Variants in UBE3C observed in about 807,000 individuals in gnomAD.
UBE3C encodes the protein ubiquitin protein ligase E3C, also known as ubiquitin-protein ligase E3C.
Under a neutral mutation model 129.4 loss-of-function variants are expected in UBE3C, and 42 were observed. The observed-to-expected ratio is 0.32, with a 90% CI of 0.25 to 0.42. The LOEUF (loss-of-function observed/expected upper bound fraction) is 0.42, where lower values mean the gene tolerates loss of function less well. Ranked by LOEUF, UBE3C falls within the 10% of genes least tolerant of loss-of-function variation. The pLI, the probability that UBE3C is intolerant of heterozygous loss-of-function variation, is 1.00. For synonymous variants in UBE3C, 510 were observed against 492.4 expected, an observed-to-expected ratio of 1.04 and a Z score of -0.47; for missense variants, 1,049 against 1,319.1, an observed-to-expected ratio of 0.80 and a Z score of 3.17.
At chr7:157,216,165 A>G (rs6459740) in intron 13 of UBE3C, among the ~76,000 whole-genome samples, 3,955 of 152,196 alleles carry the variant, frequency 0.026, 194 homozygotes, top group African/African-American at 0.091. Context: ...AAGTGCTGCA[A>G]TTGTTTTCTC....
chr7:157,141,377 A>C (rs1345406981), intron 1 of UBE3C, among the ~76,000 whole-genome samples: 2 of 152,184 alleles, frequency 1.3e-5, no homozygotes, highest in Non-Finnish European at 2.9e-5. Context: ...TATGTGACTT[A>C]AAGAGGGGGA....
chr7:157,183,458 C>T (rs1161211193), intron 8 of UBE3C, among the ~76,000 whole-genome samples: 2 of 152,172 alleles, frequency 1.3e-5, no homozygotes, highest in Non-Finnish European at 2.9e-5. Flanking sequence ...CTCATTGTGT[C>T]TTCCTGTTGA....
At chr7:157,179,034 A>T (rs1414616139) in intron 6 of UBE3C, among the ~76,000 whole-genome samples, 187 bp downstream of exon 6, 1 of 151,828 alleles carries the variant, frequency 6.6e-6, no homozygotes, top group Non-Finnish European at 1.5e-5. Flanking sequence ...CCTTGGCTCC[A>T]CCCACTCTGA....
At chr7:157,257,604 C>A (rs1440111364) in intron 22 of UBE3C, among the ~76,000 whole-genome samples, 2 of 151,832 alleles carry the variant, frequency 1.3e-5, no homozygotes, top group Admixed American at 6.6e-5. Context: ...AGGCATGGTG[C>A]CCTGTGCCTG....
intron 10 of UBE3C, among the ~76,000 whole-genome samples, chr7:157,198,972 A>G (rs1289050467): frequency 1.3e-5 from 2 of 152,232 alleles, no homozygotes; most frequent in African/African-American, 2.4e-5. Context: ...TATTTCAGAA[A>G]TATGTATACA....
intron 1 of UBE3C, among the ~76,000 whole-genome samples, chr7:157,163,255 C>T (rs1174369532): frequency 6.6e-6 from 1 of 151,778 alleles, no homozygotes; most frequent in Non-Finnish European, 1.5e-5. Context: ...GGCGTGGTGG[C>T]GGGCGCCTGT....
rs1383883005 is a variant in UBE3C at position 157,267,827 on chromosome 7, G to A, written c.*72G>A. 27 of 1,378,466 alleles carry A rather than the reference G, an allele frequency of 2.0e-5. No homozygotes were observed. The highest frequency in any genetic ancestry group is 1.8e-4 in the South Asian group (12 of 65,906). The allele number at this position is 1,378,466 out of a possible 1,614,324, so 85.4% of individuals were successfully genotyped here. A position where few individuals can be genotyped will look rare whatever the true frequency, so the allele number is the denominator to read the frequency against. On this transcript the variant is annotated 3_prime_UTR_variant, in exon 23 of 23. Transcript: ENST00000348165. ...GTCAGCAGCGCCTCCCCAGACCCAC[G>A]AGGATACTCACACTGCACGCCTGAG...
intron 22 of UBE3C, among the ~76,000 whole-genome samples, chr7:157,260,817 G>C (rs1382769191): frequency 6.6e-6 from 1 of 152,098 alleles, no homozygotes; most frequent in Non-Finnish European, 1.5e-5. Context: ...ATAAAAATTC[G>C]AAGTCCTGCC....
At chr7:157,192,874 AAAAG>A (rs1475293100) in intron 10 of UBE3C, 53 of 902,604 alleles carry the variant, frequency 5.9e-5, no homozygotes, top group Non-Finnish European at 8.0e-5. Context: ...AAAAAAAAAA[AAAAG>A]AAGGGATTAT....
intron 1 of UBE3C, among the ~76,000 whole-genome samples, chr7:157,161,454 C>CTTTTT (rs58211871): frequency 7.1e-6 from 1 of 141,218 alleles, no homozygotes; most frequent in Admixed American, 7.0e-5. Context: ...TTTGATTTTA[C>CTTTTT]TTTTTTTTTT....
chr7:157,172,471 A>G (rs770679995), intron 4 of UBE3C, among the ~76,000 whole-genome samples: 10 of 152,206 alleles, frequency 6.6e-5, no homozygotes, highest in African/African-American at 9.7e-5. Flanking sequence ...TCCTACTTGA[A>G]TTAATTACAG....
At chr7:157,246,892 A>G (rs1182387) in intron 18 of UBE3C, among the ~76,000 whole-genome samples, 145,399 of 152,282 alleles carry the variant, frequency 0.95, 69,479 homozygotes, top group East Asian at 0.99. Flanking sequence ...AAGACTGGAT[A>G]TTTTCTCTTT....
rs1047194353 is a variant in UBE3C at position 157,269,131 on chromosome 7, T to A, written c.*1376T>A. 1 of 152,680 alleles carries A rather than the reference T, an allele frequency of 6.5e-6. No homozygotes were observed. The highest frequency in any genetic ancestry group is 2.4e-5 in the African/African-American group (1 of 41,470). The allele number at this position is 152,680 out of a possible 1,614,324, so 9.5% of individuals were successfully genotyped here. On this transcript the variant is annotated 3_prime_UTR_variant, in exon 23 of 23. Coordinates refer to ENST00000348165, the MANE Select transcript of UBE3C (RefSeq NM_014671.3). The stretch of plus-strand genomic sequence containing the variant: ...GTTTAAATGCTATTTGTAGTCTTGA[T>A]ATACAGAAATAAAATAATTAGGGTT...
chr7:157,224,384 C>T (rs1795817323), intron 16 of UBE3C, among the ~76,000 whole-genome samples: 1 of 151,862 alleles, frequency 6.6e-6, no homozygotes, highest in Admixed American at 6.6e-5. Context: ...TCAGTAGAGA[C>T]GGGGTTTCGC....
At chr7:157,192,727 C>G (rs1259703640) in intron 10 of UBE3C, 1 of 873,296 alleles carries the variant, frequency 1.1e-6, no homozygotes, top group African/African-American at 2.1e-5. Flanking sequence ...CGAGAGTGCC[C>G]TTCTGATGAA....
chr7:157,168,333 T>G (rs1204670592), intron 2 of UBE3C, among the ~76,000 whole-genome samples: 14 of 89,858 alleles, frequency 1.6e-4, no homozygotes, highest in African/African-American at 6.3e-4. Flanking sequence ...AGACTCTGTC[T>G]CAAAAAAAAA....
chr7:157,165,061 G>A lies in UBE3C; in HGVS notation c.120+1198G>A, dbSNP rs558503024. ...ACCCACTAAATGCCAGTAGCACTCC[G>A]TTACCTCAGTTGTGACAACCAAAAA... On this transcript the variant is annotated intron_variant, in intron 2 of 22. Transcript: ENST00000348165. Among the ~76,000 whole-genome samples the A allele has an allele frequency of 1.2e-4, 19 of 152,232 alleles. No individual in the cohort carries two copies. In the South Asian group the frequency reaches 3.5e-3, roughly 28 times the overall value.
chr7:157,250,523 A>G (rs1448473731), intron 19 of UBE3C, among the ~76,000 whole-genome samples: 1 of 151,090 alleles, frequency 6.6e-6, no homozygotes, highest in Non-Finnish European at 1.5e-5. Flanking sequence ...GTGTCTCCCT[A>G]TGTTGTCCAG....
intron 1 of UBE3C, chr7:157,139,991 T>C: frequency 1.0e-6 from 1 of 985,330 alleles, no homozygotes; most frequent in Non-Finnish European, 1.2e-6. Context: ...CTTACATCTG[T>C]TGTGATCGAC....
Sources: allele counts gnomAD v4.1 joint callset (sites outside exome capture counted in the v4.1 genomes callset), GRCh38; gene constraint gnomAD v4.1.1; transcripts MANE v1.5; gene names NCBI Gene and HGNC (gene_info 2026-07-23, HGNC 2026-07-21).